Variants in ENOX2 observed in about 807,000 individuals in gnomAD.
ENOX2 encodes APK1 antigen.
A neutral mutation model predicts 45.0 loss-of-function variants in ENOX2; 36 were observed. The observed-to-expected ratio is 0.80, with a 90% CI of 0.61 to 1.06. ENOX2 has a LOEUF of 1.06. ENOX2 is among the 50% of genes least tolerant of loss of function. ENOX2 has a pLI of 0.00. For synonymous variants in ENOX2, 174 were observed against 152.3 expected (o/e 1.14, Z -1.05); for missense variants, 423 against 462.5 (o/e 0.91, Z 0.78).
At chrX:130,726,918 TG>T (rs1230413285) in intron 3 of ENOX2, among the ~76,000 whole-genome samples, 1 of 112,366 alleles carries the variant, frequency 8.9e-6, no homozygotes, top group Non-Finnish European at 1.9e-5. Flanking sequence ...GCCCCTGGGC[TG>T]AAGAGGGCCT....
chrX:130,833,484 G>A (rs2077873387), intron 2 of ENOX2, among the ~76,000 whole-genome samples: 1 of 111,073 alleles, frequency 9.0e-6, no homozygotes, highest in African/African-American at 3.3e-5. Context: ...AGTAACAAGG[G>A]GGGAAGAATT....
At chrX:130,877,882 A>G (rs1273488734) in intron 2 of ENOX2, among the ~76,000 whole-genome samples, 1 of 112,307 alleles carries the variant, frequency 8.9e-6, no homozygotes, top group East Asian at 2.8e-4. Context: ...GGATTGGTCA[A>G]GTACAGGCAA....
intron 2 of ENOX2, among the ~76,000 whole-genome samples, chrX:130,885,854 G>A (rs1011375007): frequency 1.8e-5 from 2 of 111,899 alleles, no homozygotes; most frequent in African/African-American, 3.2e-5. Context: ...TTTTATAGTG[G>A]AGAAAATAAG....
At chrX:130,804,245 C>T (rs1476445371) in intron 2 of ENOX2, among the ~76,000 whole-genome samples, 1 of 112,204 alleles carries the variant, frequency 8.9e-6, no homozygotes, top group African/African-American at 3.2e-5. Flanking sequence ...AAACCTCTAA[C>T]CTTCTGGCTT....
chrX:130,698,397 G>A (rs1250596091), intron 4 of ENOX2, among the ~76,000 whole-genome samples: 4 of 109,582 alleles, frequency 3.7e-5, no homozygotes, highest in Non-Finnish European at 5.7e-5. Context: ...GTACAGGAGC[G>A]TGGTGGCATG....
chrX:130,661,109 T>C (rs2036676072), intron 9 of ENOX2, among the ~76,000 whole-genome samples: 1 of 112,148 alleles, frequency 8.9e-6, no homozygotes, highest in African/African-American at 3.2e-5. Context: ...ATTAATCTTA[T>C]TCATGTTTTA....
chrX:130,719,612 G>T (rs965379148), intron 3 of ENOX2, among the ~76,000 whole-genome samples: 3 of 112,244 alleles, frequency 2.7e-5, no homozygotes, highest in Non-Finnish European at 5.6e-5. Flanking sequence ...CTAGCATGGG[G>T]GCTCCAGCTG....
In ENOX2 at chrX:130,724,429, G is replaced by C. The variant is rs189678220; in HGVS notation, c.-38-21175C>G. Among the ~76,000 whole-genome samples, 25 of 112,783 alleles carry C rather than the reference G, an allele frequency of 2.2e-4. No homozygotes were observed. In the South Asian group the frequency reaches 8.8e-3, roughly 40 times the overall value. On this transcript the variant is annotated intron_variant, in intron 3 of 14. Transcript: ENST00000394363. ...GCCATGTGGGCATGTATGTCGGAGC[G>C]ATGCTGTGAATCTCCAGCCACTATT...
At chrX:130,674,512 T>C (rs1455154753) in intron 6 of ENOX2, among the ~76,000 whole-genome samples, 1 of 111,010 alleles carries the variant, frequency 9.0e-6, no homozygotes, top group Non-Finnish European at 1.9e-5. Context: ...TGATCCAAAC[T>C]CACAGATCCA....
chrX:130,658,563 G>C (rs891465143), intron 9 of ENOX2, among the ~76,000 whole-genome samples: 1 of 111,693 alleles, frequency 9.0e-6, no homozygotes, highest in Admixed American at 9.5e-5. Flanking sequence ...GGATATGTGT[G>C]AAAAAAGTAC....
rs755699122 is a variant in ENOX2, at chrX:130,739,996, T to A, written c.-38-36742A>T. ...CATATAACACAATGAATTCAATTGA[T>A]CATTATATATCTAGAGTCAAGGCAA... On this transcript the variant is annotated intron_variant, in intron 3 of 14. Coordinates refer to ENST00000394363, the MANE Select transcript of ENOX2 (RefSeq NM_006375.4). Among the ~76,000 whole-genome samples, 10 of 112,283 alleles carry A rather than the reference T, an allele frequency of 8.9e-5. No homozygotes were observed. The Admixed American group carries it at 9.4e-4, about 11-fold the overall frequency.
chrX:130,778,151 A>G (rs755524301), intron 3 of ENOX2, among the ~76,000 whole-genome samples: 3 of 111,997 alleles, frequency 2.7e-5, no homozygotes, highest in East Asian at 5.6e-4. Context: ...TCAAAAGGCT[A>G]TAAGTGTCAT....
intron 4 of ENOX2, among the ~76,000 whole-genome samples, chrX:130,692,297 G>A (rs753961946): frequency 8.8e-6 from 1 of 113,229 alleles, no homozygotes; most frequent in Non-Finnish European, 1.9e-5. Flanking sequence ...AACACCAGAG[G>A]AATTATCTCC....
intron 3 of ENOX2, among the ~76,000 whole-genome samples, chrX:130,708,400 G>A (rs972849234): frequency 8.9e-6 from 1 of 111,851 alleles, no homozygotes; most frequent in Non-Finnish European, 1.9e-5. Flanking sequence ...GAGAGTTTAA[G>A]TGATCAGCTC....
intron 3 of ENOX2, among the ~76,000 whole-genome samples, chrX:130,780,123 C>T (rs910085580): frequency 1.4e-4 from 15 of 110,230 alleles, no homozygotes; most frequent in African/African-American, 4.6e-4. Flanking sequence ...AGTAGTGGAT[C>T]GGTGTGGCTG....
chrX:130,742,448 C>A (rs1347949383), intron 3 of ENOX2, among the ~76,000 whole-genome samples: 1 of 108,941 alleles, frequency 9.2e-6, no homozygotes, highest in Non-Finnish European at 1.9e-5. Flanking sequence ...GAAGGGAGGT[C>A]TCTAATAGTT....
intron 7 of ENOX2, among the ~76,000 whole-genome samples, chrX:130,668,403 A>G (rs1239893883): frequency 9.0e-6 from 1 of 111,687 alleles, no homozygotes; most frequent in Non-Finnish European, 1.9e-5. Flanking sequence ...CCCACTCACA[A>G]TCTATTTTGA....
chrX:130,753,696 T>C (rs927634554), intron 3 of ENOX2, among the ~76,000 whole-genome samples: 1 of 112,367 alleles, frequency 8.9e-6, no homozygotes, highest in Admixed American at 9.5e-5. Flanking sequence ...ATTCCATTCT[T>C]TTTTATGGCT....
intron 5 of ENOX2, among the ~76,000 whole-genome samples, chrX:130,684,680 T>C (rs2037399704): frequency 8.9e-6 from 1 of 112,169 alleles, no homozygotes; most frequent in African/African-American, 3.2e-5. Context: ...GTGCTGGTGA[T>C]ACATCAGGAG....
Sources: allele counts gnomAD v4.1 joint callset (sites outside exome capture counted in the v4.1 genomes callset), GRCh38; gene constraint gnomAD v4.1.1; transcripts MANE v1.5; gene names NCBI Gene and HGNC (gene_info 2026-07-23, HGNC 2026-07-21).